Variants in DCC observed in about 807,000 individuals in gnomAD.
DCC encodes the protein netrin receptor DCC.
Under a neutral mutation model 172.5 loss-of-function variants are expected in DCC, and 58 were observed. The ratio of observed to expected loss-of-function variants is 0.34; its 90% confidence interval spans 0.27 to 0.42. DCC has a LOEUF of 0.42. DCC is among the 10% of genes least tolerant of loss of function. DCC has a pLI of 1.00. For synonymous variants in DCC, 709 were observed against 644.5 expected, an observed-to-expected ratio of 1.10 and a Z score of -1.52; for missense variants, 1,740 against 1,791.0, an observed-to-expected ratio of 0.97 and a Z score of 0.51.
intron 12 of DCC, among the ~76,000 whole-genome samples, chr18:53,281,873 A>G (rs1375050300): frequency 1.3e-5 from 2 of 151,216 alleles, no homozygotes; most frequent in Non-Finnish European, 2.9e-5. Context: ...TCCGATTATT[A>G]CACAAAGATA....
At chr18:52,682,764 A>G (rs2035770398) in intron 1 of DCC, among the ~76,000 whole-genome samples, 1 of 152,004 alleles carries the variant, frequency 6.6e-6, no homozygotes, top group South Asian at 2.1e-4. Flanking sequence ...TGACTGGGGG[A>G]AGGGTTACTA....
At chr18:53,281,806 A>G (rs1227940894) in intron 12 of DCC, among the ~76,000 whole-genome samples, 1 of 142,252 alleles carries the variant, frequency 7.0e-6, no homozygotes, top group Non-Finnish European at 1.5e-5. Context: ...CTTTGCCAGT[A>G]TACCACCAGA....
intron 27 of DCC, among the ~76,000 whole-genome samples, chr18:53,505,650 G>A (rs945831401): frequency 5.3e-5 from 8 of 152,178 alleles, no homozygotes; most frequent in Middle Eastern, 3.4e-3. Flanking sequence ...GTATTCAGTG[G>A]CCATCCAGAT....
At chr18:53,190,067 C>G (rs1481265463) in intron 9 of DCC, among the ~76,000 whole-genome samples, 2 of 152,164 alleles carry the variant, frequency 1.3e-5, no homozygotes, top group South Asian at 4.1e-4. Context: ...GCTGGGATTA[C>G]AGGCATGCGC....
At chr18:53,524,896 C>T (rs1034792659) in intron 27 of DCC, among the ~76,000 whole-genome samples, 1 of 151,882 alleles carries the variant, frequency 6.6e-6, no homozygotes, top group East Asian at 1.9e-4. Context: ...TTTATTTTGG[C>T]ACCCCCATGT....
intron 1 of DCC, among the ~76,000 whole-genome samples, chr18:52,508,318 A>G (rs2031311504): frequency 6.6e-6 from 1 of 152,182 alleles, no homozygotes; most frequent in South Asian, 2.1e-4. Context: ...TCATCTTTAT[A>G]CATTTTATCA....
chr18:52,456,723 T>C (rs1315267286), intron 1 of DCC, among the ~76,000 whole-genome samples: 1 of 152,180 alleles, frequency 6.6e-6, no homozygotes, highest in African/African-American at 2.4e-5. Context: ...GAATTACATA[T>C]AGAATTCCTG....
intron 3 of DCC, among the ~76,000 whole-genome samples, chr18:52,920,496 A>G (rs1487581692): frequency 6.6e-6 from 1 of 152,122 alleles, no homozygotes; most frequent in East Asian, 1.9e-4. Context: ...ATTATATACC[A>G]TTACACGTGT....
At chr18:52,945,168 C>G (rs2040522843) in intron 5 of DCC, among the ~76,000 whole-genome samples, 1 of 152,094 alleles carries the variant, frequency 6.6e-6, no homozygotes, top group African/African-American at 2.4e-5. Context: ...GACAATTATG[C>G]CCCCAACCTC....
rs931622981 is a variant in DCC at position 53,383,438 on chromosome 18, T to G, written c.2360-2605T>G. Among the ~76,000 whole-genome samples, 6 of 150,892 alleles carry G rather than the reference T, an allele frequency of 4.0e-5. No individual in the cohort carries two copies. The Admixed American group carries it at 4.0e-4, about 10-fold the overall frequency. On this transcript the variant is annotated intron_variant, in intron 15 of 28. Transcript: ENST00000442544. ...CATTTATGCTTTTCTGTTTGCAGAT[T>G]ATCCTTATCTCTGGTCTGAGGGAGT...
chr18:52,714,777 C>G (rs528556987), intron 1 of DCC, among the ~76,000 whole-genome samples: 14 of 152,306 alleles, frequency 9.2e-5, no homozygotes, highest in African/African-American at 3.4e-4. Flanking sequence ...TCTATCCTCT[C>G]TCTCTCTCTG....
chr18:53,068,809 G>GTGTGTA (rs2042611962), intron 7 of DCC, among the ~76,000 whole-genome samples: 1 of 151,278 alleles, frequency 6.6e-6, no homozygotes, highest in Non-Finnish European at 1.5e-5. Flanking sequence ...ATGTGTATGT[G>GTGTGTA]TGTGTGTGTT....
chr18:52,823,091 G>A (rs1053043422), intron 2 of DCC, among the ~76,000 whole-genome samples: 1 of 152,104 alleles, frequency 6.6e-6, no homozygotes, highest in Non-Finnish European at 1.5e-5. Flanking sequence ...GTATTCTCAG[G>A]CTATTCCAAC....
At chr18:53,286,396 G>T (rs1427734358) in intron 12 of DCC, among the ~76,000 whole-genome samples, 1 of 152,124 alleles carries the variant, frequency 6.6e-6, no homozygotes, top group South Asian at 2.1e-4. Context: ...ACCTGCACAA[G>T]CTCTCTTCTC....
At chr18:52,535,177 G>A (rs1054222489) in intron 1 of DCC, among the ~76,000 whole-genome samples, 1 of 152,216 alleles carries the variant, frequency 6.6e-6, no homozygotes, top group Non-Finnish European at 1.5e-5. Flanking sequence ...ACCAGTGACA[G>A]TAATCATACA....
At chr18:53,207,146 C>T (rs2055665184) in intron 10 of DCC, among the ~76,000 whole-genome samples, 1 of 152,086 alleles carries the variant, frequency 6.6e-6, no homozygotes, top group African/African-American at 2.4e-5. Context: ...GATCTGATTC[C>T]TCAGTAACCT....
chr18:52,968,952 G>A (rs914938083), intron 5 of DCC, among the ~76,000 whole-genome samples: 3 of 151,962 alleles, frequency 2.0e-5, no homozygotes, highest in Admixed American at 2.0e-4. Context: ...CTTCGGATGA[G>A]ACTCTGTGAA....
intron 2 of DCC, among the ~76,000 whole-genome samples, chr18:52,895,930 G>A (rs184548490): frequency 5.3e-5 from 8 of 152,112 alleles, no homozygotes; most frequent in South Asian, 2.1e-4. Context: ...AATTAAAGGC[G>A]CACACAACCA....
intron 27 of DCC, among the ~76,000 whole-genome samples, chr18:53,523,941 T>G (rs989210183): frequency 1.3e-5 from 2 of 151,898 alleles, no homozygotes; most frequent in Non-Finnish European, 2.9e-5. Context: ...GTATTAAATT[T>G]ATATTAATAA....
Sources: gnomAD v4.1 joint callset for allele counts (sites outside exome capture counted in the v4.1 genomes callset) on GRCh38, gnomAD v4.1.1 for gene constraint, MANE v1.5 for transcripts, NCBI Gene and HGNC (gene_info 2026-07-23, HGNC 2026-07-21) for gene names.